ANXA2: variants seen among roughly 807,000 people sequenced by gnomAD.
ANXA2 encodes annexin II.
Under a neutral mutation model 47.3 loss-of-function variants are expected in ANXA2, and 28 were observed. That is an observed-to-expected ratio of 0.59 (90% CI 0.44 to 0.81). ANXA2 has a LOEUF of 0.81. ANXA2 is among the 40% of genes least tolerant of loss of function. The probability of loss-of-function intolerance (pLI) is 0.00; values close to 1 mark genes in which losing one functional copy is unlikely to be tolerated. For missense variants in ANXA2, 384 were observed against 414.3 expected (o/e 0.93, Z 0.64); for synonymous variants, 172 against 155.5 (o/e 1.11, Z -0.79).
intron 3 of ANXA2, among the ~76,000 whole-genome samples, chr15:60,370,446 T>C (rs1774881540): frequency 6.6e-6 from 1 of 152,228 alleles, no homozygotes; most frequent in Non-Finnish European, 1.5e-5. Context: ...ACCAAATACA[T>C]GCATCTGCAA....
intron 4 of ANXA2, among the ~76,000 whole-genome samples, chr15:60,363,861 A>G (rs568407209): frequency 5.3e-5 from 8 of 152,310 alleles, no homozygotes; most frequent in South Asian, 2.1e-4. Context: ...TTAAATTAGA[A>G]ACATCTTATC....
In ANXA2 at chr15:60,347,561, TG is replaced by T. The variant is rs1247174897; in HGVS notation, c.*68del. 2 of 1,517,760 alleles carry T rather than the reference TG, an allele frequency of 1.3e-6. No individual in the cohort carries two copies. Among genetic ancestry groups the T allele is most frequent in the African/African-American group, 2.7e-5 (2 of 72,850 alleles). The allele number at this position is 1,517,760 out of a possible 1,614,324, so 94.0% of individuals were successfully genotyped here. On this transcript the variant is annotated 3_prime_UTR_variant, in exon 13 of 13. Coordinates refer to ENST00000451270, the MANE Select transcript of ANXA2 (RefSeq NM_004039.3). ...GCCACGGGGACTGTTATTCGCAAGC[TG>T]GTTTTCTAGACCTGTTAGCTGGAAG...
chr15:60,366,742 G>A (rs1197742263), intron 3 of ANXA2, among the ~76,000 whole-genome samples: 31 of 96,606 alleles, frequency 3.2e-4, no homozygotes, highest in African/African-American at 9.8e-4. Context: ...CTGCCCGGCC[G>A]CCCCTACTGG....
At chr15:60,373,249 C>A (rs191071191) in intron 3 of ANXA2, among the ~76,000 whole-genome samples, 3 of 152,250 alleles carry the variant, frequency 2.0e-5, no homozygotes, top group African/African-American at 7.2e-5. Context: ...TAATGATTTG[C>A]CACCTGGTAA....
At chr15:60,376,380 CAA>C (rs1186735863) in intron 3 of ANXA2, among the ~76,000 whole-genome samples, 6 of 134,898 alleles carry the variant, frequency 4.4e-5, no homozygotes, top group Admixed American at 7.5e-5. Context: ...AACTCTGTCT[CAA>C]AAAAAAAAAA....
chr15:60,390,761 A>C (rs2062998829), intron 1 of ANXA2: 1 of 165,852 alleles, frequency 6.0e-6, no homozygotes. Flanking sequence ...AAAAAGAAAT[A>C]AAATACAGTG....
At chr15:60,361,837 C>T (rs911074949) in intron 4 of ANXA2, among the ~76,000 whole-genome samples, 4 of 152,042 alleles carry the variant, frequency 2.6e-5, no homozygotes, top group African/African-American at 9.7e-5. Flanking sequence ...GATGCTTCCT[C>T]GAGCTAAACT....
chr15:60,360,448 C>T (rs546269821), intron 5 of ANXA2, among the ~76,000 whole-genome samples: 31 of 152,242 alleles, frequency 2.0e-4, no homozygotes, highest in African/African-American at 7.2e-4. Flanking sequence ...GATTCAGGTA[C>T]GATTCTTCAT....
chr15:60,367,251 C>A (rs1186887092), intron 3 of ANXA2, among the ~76,000 whole-genome samples: 27 of 107,286 alleles, frequency 2.5e-4, no homozygotes, highest in Admixed American at 4.5e-4. Context: ...CCAGCCGCCC[C>A]GTCCGGGAGG....
chr15:60,383,797 G>A (rs926793452), intron 2 of ANXA2: 1 of 145,028 alleles, frequency 6.9e-6, no homozygotes, highest in Non-Finnish European at 1.5e-5. Context: ...AAAAGGCCAA[G>A]ATCCGTGAGT....
chr15:60,394,862 C>A (rs535499639), intron 1 of ANXA2, among the ~76,000 whole-genome samples: 27 of 152,084 alleles, frequency 1.8e-4, no homozygotes. Flanking sequence ...CCTCTGGCAA[C>A]AGCAGAAGAA....
intron 11 of ANXA2, among the ~76,000 whole-genome samples, chr15:60,350,775 T>TCA (rs1895972520): frequency 1.9e-5 from 1 of 53,942 alleles, no homozygotes; most frequent in Non-Finnish European, 3.6e-5. Context: ...AAGAAGATAA[T>TCA]CATAAGCCTC....
intron 1 of ANXA2, among the ~76,000 whole-genome samples, chr15:60,397,496 G>C (rs1292320837): frequency 6.6e-6 from 1 of 152,144 alleles, no homozygotes; most frequent in Non-Finnish European, 1.5e-5. Flanking sequence ...CAGTAACTTA[G>C]AGCAGATGGG....
At position 60,352,572 on chromosome 15, in the gene ANXA2, A is replaced by C; in HGVS notation, c.589-96T>G. The C allele has an allele frequency of 1.2e-6, 1 of 846,166 alleles. No individual in the cohort carries two copies. The highest frequency in any genetic ancestry group is 2.2e-5 in the Admixed American group (1 of 44,526). 52.4% of individuals were successfully genotyped at this position (846,166 alleles called of 1,614,324 possible). The stretch of plus-strand genomic sequence containing the variant: ...AAAAACAAAAAAAGCTACACATTCA[A>C]AATGCCAAACGAGGAAAGATGATTA... On this transcript the variant is annotated intron_variant, in intron 8 of 12. Transcript: ENST00000451270. The surrounding 1 kb of genome is among the most constrained non-coding windows in gnomAD (Gnocchi z 4.2).
Position 60,347,674 on chromosome 15 carries a change from C to T in ANXA2, c.976G>A (p.Asp326Asn), listed in dbSNP as rs746495334. Residue 326 changes from aspartate to asparagine, a missense_variant, in exon 13 of 13, where the codon GAC becomes AAC. Coordinates refer to ENST00000451270, the MANE Select transcript of ANXA2 (RefSeq NM_004039.3). ...AGGTACAGCAGCGCTTTCTGGTAGT[C>T]GCCCTTAGTGTCTTGCTACAATGGC... ...YYYIQQDTKG[D>N]YQKALLYLCG... 2.5e-6 allele frequency: 4 copies of T among 1,614,136 alleles called. No homozygotes were observed. Among genetic ancestry groups the T allele is most frequent in the South Asian group, 1.1e-5 (1 of 91,072 alleles).
At chr15:60,349,915 G>A (rs112587485) in intron 11 of ANXA2, among the ~76,000 whole-genome samples, 376 of 33,916 alleles carry the variant, frequency 0.011, 3 homozygotes, top group Non-Finnish European at 0.018. Context: ...GGGGAAGGCA[G>A]GGAGGCAGGG....
chr15:60,353,497 T>C (rs1409305405), intron 8 of ANXA2, among the ~76,000 whole-genome samples: 2 of 152,200 alleles, frequency 1.3e-5, no homozygotes, highest in South Asian at 2.1e-4. Flanking sequence ...TGAGTGAGCA[T>C]ATGTGAGTCA....
rs1171334166 is a variant in ANXA2 at position 60,357,196 on chromosome 15, C to A, written c.398G>T (p.Cys133Phe). 6.2e-7 allele frequency: 1 copy of A among 1,614,204 alleles called. No homozygotes were observed. The highest frequency in any genetic ancestry group is 1.7e-5 in the Admixed American group (1 of 60,026). ...CTGCAGCTCCTGGTTGGTTCTGGAGCAGATGATCTCAATGAGAGAGTCCTC... is the reference window on the plus strand; with the variant it reads ...CTGCAGCTCCTGGTTGGTTCTGGAGAAGATGATCTCAATGAGAGAGTCCTC... ...TDEDSLIEII[C>F]SRTNQELQEI... Residue 133 changes from cysteine to phenylalanine, a missense_variant, in exon 6 of 13, where the codon TGC becomes TTC. Transcript: ENST00000451270.
intron 1 of ANXA2, 26 bp from the exon 2 acceptor site, chr15:60,386,112 C>A (rs1173580581): frequency 6.4e-7 from 1 of 1,557,252 alleles, no homozygotes; most frequent in Admixed American, 1.7e-5. Flanking sequence ...AACAAAAAGT[C>A]TTTATGAAGA....
Sources: gnomAD v4.1 joint callset for allele counts (sites outside exome capture counted in the v4.1 genomes callset) on GRCh38, gnomAD v4.1.1 for gene constraint, Gnocchi (gnomAD v3.1) non-coding constraint, MANE v1.5 for transcripts, NCBI Gene and HGNC (gene_info 2026-07-23, HGNC 2026-07-21) for gene names.